Variants in PDE1C observed in about 807,000 individuals in gnomAD.
PDE1C encodes the protein dual specificity calcium/calmodulin-dependent 3',5'-cyclic nucleotide phosphodiesterase 1C.
A neutral mutation model predicts 93.1 loss-of-function variants in PDE1C; 62 were observed. The ratio of observed to expected loss-of-function variants is 0.67; its 90% CI spans 0.54 to 0.82. The LOEUF is 0.82. Among genes scored for constraint, PDE1C ranks in the 40% least tolerant of loss-of-function variants. The pLI, the probability that PDE1C is intolerant of heterozygous loss-of-function variation, is 0.00. For synonymous variants in PDE1C, 325 were observed against 310.1 expected (o/e 1.05, Z -0.50); for missense variants, 742 against 884.6 (o/e 0.84, Z 2.04).
chr7:32,012,333 C>T (rs1787250814), intron 2 of PDE1C, among the ~76,000 whole-genome samples: 1 of 152,118 alleles, frequency 6.6e-6, no homozygotes, highest in African/African-American at 2.4e-5. Context: ...AGATACCAGA[C>T]TGTTTTAAAC....
intron 1 of PDE1C, among the ~76,000 whole-genome samples, chr7:32,342,375 A>C (rs1783775321): frequency 6.7e-6 from 1 of 149,468 alleles, no homozygotes; most frequent in South Asian, 2.1e-4. Flanking sequence ...TCACCACAAA[A>C]ATAACCTTCA....
At chr7:31,986,213 C>T (rs1783379700) in intron 2 of PDE1C, among the ~76,000 whole-genome samples, 1 of 152,146 alleles carries the variant, frequency 6.6e-6, no homozygotes, top group African/African-American at 2.4e-5. Flanking sequence ...TTGCCTCCTC[C>T]TAGCTTCTGG....
chr7:32,056,055 T>G (rs1794035420), intron 1 of PDE1C, among the ~76,000 whole-genome samples: 1 of 152,118 alleles, frequency 6.6e-6, no homozygotes, highest in African/African-American at 2.4e-5. Flanking sequence ...TTAATTTAAA[T>G]TTGTAATATT....
the PDE1C span, among the ~76,000 whole-genome samples, chr7:31,666,339 T>C: frequency 6.6e-6 from 1 of 152,222 alleles, no homozygotes; most frequent in Non-Finnish European, 1.5e-5. Context: ...CTTTCACTCA[T>C]CATATAAGCA....
At chr7:32,397,475 T>C (rs1332209396) in intron 1 of PDE1C, among the ~76,000 whole-genome samples, 2 of 152,200 alleles carry the variant, frequency 1.3e-5, no homozygotes, top group African/African-American at 2.4e-5. Context: ...CTAGTGGGAA[T>C]GCAAACTGGT....
intron 16 of PDE1C, among the ~76,000 whole-genome samples, chr7:31,802,965 A>G (rs534901312): frequency 2.0e-5 from 3 of 151,918 alleles, no homozygotes; most frequent in Non-Finnish European, 4.4e-5. Flanking sequence ...ATCATCTGAC[A>G]AAATTATAGC....
At chr7:32,377,806 C>G (rs371030305) in intron 1 of PDE1C, among the ~76,000 whole-genome samples, 1 of 152,216 alleles carries the variant, frequency 6.6e-6, no homozygotes, top group South Asian at 2.1e-4. Flanking sequence ...TCATGCCCTC[C>G]GCCACTATAC....
At chr7:32,223,051 G>A (rs1190707964) in intron 1 of PDE1C, among the ~76,000 whole-genome samples, 1 of 152,110 alleles carries the variant, frequency 6.6e-6, no homozygotes, top group Non-Finnish European at 1.5e-5. Flanking sequence ...AAGCATGCAA[G>A]GCCCCTCACT....
intron 11 of PDE1C, 41 bp downstream of exon 11, chr7:31,837,139 C>A (rs545401239): frequency 4.4e-6 from 7 of 1,588,394 alleles, no homozygotes; most frequent in Middle Eastern, 1.7e-4. Flanking sequence ...CATAAAATAT[C>A]CAATGATGAC....
chr7:31,795,585 A>G (rs941650717), intron 16 of PDE1C, among the ~76,000 whole-genome samples: 9 of 151,906 alleles, frequency 5.9e-5, no homozygotes, highest in African/African-American at 2.2e-4. Context: ...ATTGCAAAAG[A>G]AAAGTTGTTC....
the PDE1C span, chr7:31,642,158 A>G: frequency 1.3e-6 from 2 of 1,544,322 alleles, no homozygotes; most frequent in African/African-American, 1.4e-5. Flanking sequence ...TAACCTCAAG[A>G]CCTCTTTCAT....
At chr7:31,854,330 T>G (rs1793729589) in intron 7 of PDE1C, among the ~76,000 whole-genome samples, 1 of 152,188 alleles carries the variant, frequency 6.6e-6, no homozygotes, top group South Asian at 2.1e-4. Flanking sequence ...TCTTCCAAAT[T>G]AACTACTGTG....
chr7:32,128,149 T>A (rs923041417), intron 3 of PDE1C, among the ~76,000 whole-genome samples: 15 of 150,472 alleles, frequency 1.0e-4, no homozygotes, highest in African/African-American at 3.7e-4. Context: ...TTATATTAGT[T>A]ACATAACAAG....
At chr7:32,240,090 T>C (rs1000523108) in intron 1 of PDE1C, among the ~76,000 whole-genome samples, 1 of 152,224 alleles carries the variant, frequency 6.6e-6, no homozygotes, top group Non-Finnish European at 1.5e-5. Context: ...TTTGTTTGTT[T>C]TAAGCCACTT....
chr7:31,681,941 C>G, the PDE1C span, among the ~76,000 whole-genome samples: 6 of 152,312 alleles, frequency 3.9e-5, no homozygotes, highest in East Asian at 1.2e-3. Flanking sequence ...GAAAGTGAGT[C>G]TCCCTTAACT....
At chr7:31,965,524 G>A (rs1288189956) in intron 2 of PDE1C, among the ~76,000 whole-genome samples, 1 of 152,100 alleles carries the variant, frequency 6.6e-6, no homozygotes, top group Admixed American at 6.6e-5. Context: ...ACCAAGTTAG[G>A]AAACACTCTG....
At chr7:32,144,916 TC>T (rs1219939121) in intron 3 of PDE1C, among the ~76,000 whole-genome samples, 1 of 152,144 alleles carries the variant, frequency 6.6e-6, no homozygotes, top group African/African-American at 2.4e-5. Context: ...ACCCTTACTC[TC>T]CCTGGATAGA....
At chr7:32,314,223 C>T (rs1306522401) in intron 1 of PDE1C, among the ~76,000 whole-genome samples, 1 of 152,066 alleles carries the variant, frequency 6.6e-6, no homozygotes, top group Non-Finnish European at 1.5e-5. Context: ...ATATAATTTA[C>T]TGAGGAGGTG....
At chr7:31,651,786 GACA>G in the PDE1C span, among the ~76,000 whole-genome samples, 2 of 149,974 alleles carry the variant, frequency 1.3e-5, no homozygotes, top group Non-Finnish European at 3.0e-5. Context: ...TTTTAAAGAA[GACA>G]ACCTTAGTAA....
Sources: allele counts gnomAD v4.1 joint callset (sites outside exome capture counted in the v4.1 genomes callset), GRCh38; gene constraint gnomAD v4.1.1; transcripts MANE v1.5; gene names NCBI Gene and HGNC (gene_info 2026-07-23, HGNC 2026-07-21).